The following OR8D4 variants were observed in gnomAD, a reference collection of about 807,000 sequenced individuals.
The protein encoded by OR8D4 is olfactory receptor family 8 subfamily D member 4.
For missense variants in OR8D4, 359 were observed against 372.6 expected (o/e 0.96, Z 0.30); for synonymous variants, 141 against 134.8 (o/e 1.05, Z -0.32).
chr11:123,904,203 A>G (rs1863182340), intron 1 of OR8D4, among the ~76,000 whole-genome samples: 1 of 152,166 alleles, frequency 6.6e-6, no homozygotes, highest in South Asian at 2.1e-4. Context: ...AAACCACAGA[A>G]ATGTTTTAGA....
rs1192332532 is a variant in OR8D4 at position 123,906,454 on chromosome 11, C to T, written c.23C>T (p.Thr8Ile). 5 of 1,608,020 alleles carry T rather than the reference C, an allele frequency of 3.1e-6. No individual in the cohort carries two copies. Among genetic ancestry groups the T allele is most frequent in the Middle Eastern group, 1.7e-4 (1 of 6,022 alleles). Residue 8 changes from threonine to isoleucine, a missense_variant, in exon 2 of 2, where the codon ACA becomes ATA. Transcript: ENST00000641687. Reference sequence around the variant, plus strand: ...AGAATGGGTGTAAAAAACCATTCCACAGTGACTGAGTTTCTTCTTTCAGGA... The same window carrying T: ...AGAATGGGTGTAAAAAACCATTCCATAGTGACTGAGTTTCTTCTTTCAGGA... MGVKNHS[T>I]VTEFLLSGLT...
At position 123,907,082 on chromosome 11, in the gene OR8D4, A is replaced by G. The variant is rs1591438496; in HGVS notation, c.651A>G (p.Ser217=). 1.2e-6 allele frequency: 2 copies of G among 1,613,886 alleles called. No homozygotes were observed. Among genetic ancestry groups the G allele is most frequent in the African/African-American group, 1.3e-5 (1 of 74,900 alleles). Residue 217 remains serine (S), a synonymous_variant, in exon 2 of 2, where the codon TCA becomes TCG. Coordinates refer to ENST00000641687, the MANE Select transcript of OR8D4 (RefSeq NM_001005197.2). ...MVATSLTIII[S]YAFILTSILR... ...CCACAAGCCTAACAATCATTATTTC[A>G]TATGCTTTTATCCTCACCAGCATCC...
At chr11:123,905,046 G>C (rs1362680643) in intron 1 of OR8D4, among the ~76,000 whole-genome samples, 1 of 152,138 alleles carries the variant, frequency 6.6e-6, no homozygotes, top group African/African-American at 2.4e-5. Context: ...CCTCCAAGTG[G>C]CAACAAAAAC....
In OR8D4 at chr11:123,907,608, A is replaced by G; in HGVS notation, c.*232A>G. ...AAAATTACAAAAAAATTAGCAGGGC[A>G]TGGTGGTGGGCACCTGTAATCCCAC... On this transcript the variant is annotated 3_prime_UTR_variant, in exon 2 of 2. Coordinates refer to ENST00000641687, the MANE Select transcript of OR8D4 (RefSeq NM_001005197.2). 1 of 208,302 alleles carries G rather than the reference A, an allele frequency of 4.8e-6. No individual in the cohort carries two copies. Among genetic ancestry groups the G allele is most frequent in the South Asian group, 1.2e-4 (1 of 8,228 alleles). The allele number at this position is 208,302 out of a possible 1,614,324, so 12.9% of individuals were successfully genotyped here.
intron 1 of OR8D4, among the ~76,000 whole-genome samples, chr11:123,904,856 C>T (rs975027268): frequency 6.6e-6 from 1 of 152,120 alleles, no homozygotes; most frequent in Admixed American, 6.5e-5. Flanking sequence ...TATTAAATAG[C>T]CAGGTAGCTG....
rs761174077 is a variant in OR8D4 at position 123,907,233 on chromosome 11, C to T, written c.802C>T (p.Leu268Phe). The change falls in exon 2 of 2, where the codon CTC becomes TTC. Residue 268 changes from leucine (L) to phenylalanine (F), a missense_variant. Leu to Phe is a conservative substitution (Grantham distance 22, BLOSUM62 0). Transcript: ENST00000641687. Reference sequence around the variant, plus strand: ...TCTCAAACCTGCTTCTAGCAGTTCACTCACCCAGGAGAAAGTATCCTCAGT... The same window carrying T: ...TCTCAAACCTGCTTCTAGCAGTTCATTCACCCAGGAGAAAGTATCCTCAGT... ...MYLKPASSSS[L>F]TQEKVSSVFY... The T allele has an allele frequency of 5.0e-6, 8 of 1,613,590 alleles. No individual in the cohort carries two copies. The highest frequency in any genetic ancestry group is 2.7e-5 in the African/African-American group (2 of 75,016).
At position 123,906,519 on chromosome 11, in the gene OR8D4, C is replaced by T. The variant is rs756377930; in HGVS notation, c.88C>T (p.Leu30Phe). 2.5e-6 allele frequency: 4 copies of T among 1,613,860 alleles called. No homozygotes were observed. Among genetic ancestry groups the T allele is most frequent in the Non-Finnish European group, 3.4e-6 (4 of 1,179,820 alleles). Residue 30 changes from leucine (L) to phenylalanine (F), a missense_variant, in exon 2 of 2, where the codon CTC (leucine) becomes TTC (phenylalanine). Transcript: ENST00000641687. ...AGAGCTTCAGCTGCCCCTCTTCTGC[C>T]TCTTCTTAGGAATTTACACAGTTAC... ...QAELQLPLFCLFLGIYTVTVV... is the reference protein window; with the variant it reads ...QAELQLPLFCFFLGIYTVTVV...
intron 1 of OR8D4, among the ~76,000 whole-genome samples, chr11:123,904,621 T>G (rs950505882): frequency 3.3e-5 from 5 of 152,166 alleles, no homozygotes; most frequent in African/African-American, 1.2e-4. Flanking sequence ...TCTCCATCAT[T>G]TAGGATGAGA....
Position 123,906,711 on chromosome 11 carries a change from T to C in OR8D4, c.280T>C (p.Tyr94His). 6.2e-7 allele frequency: 1 copy of C among 1,614,038 alleles called. No individual in the cohort carries two copies. The highest frequency in any genetic ancestry group is 8.5e-7 in the Non-Finnish European group (1 of 1,179,880). The stretch of plus-strand genomic sequence containing the variant: ...TTTATGCAGAGATAGATCCATCTCC[T>C]ATTCTGGATGCATGATTCAGCTGTT... The part of the protein sequence containing the change: ...GFLCRDRSIS[Y>H]SGCMIQLFFF... The change falls in exon 2 of 2, where the codon TAT (tyrosine) becomes CAT (histidine). Residue 94 changes from tyrosine to histidine, a missense_variant. By Grantham distance (83) the Tyr-to-His change is moderately conservative. Transcript: ENST00000641687.
At position 123,908,765 on chromosome 11, in the gene OR8D4, A is replaced by G. The variant is rs956478707; in HGVS notation, c.*1389A>G. 6.6e-6 allele frequency: 1 copy of G among 152,230 alleles called. No homozygotes were observed. Among genetic ancestry groups the G allele is most frequent in the Non-Finnish European group, 1.5e-5 (1 of 68,034 alleles). The allele number at this position is 152,230 out of a possible 1,614,324, so 9.4% of individuals were successfully genotyped here. ...GAAACCTAAATGAAGAAAAGGGTACAGTTATGCAGAAACCAGAAAGGCAGC... is the reference window on the plus strand; with the variant it reads ...GAAACCTAAATGAAGAAAAGGGTACGGTTATGCAGAAACCAGAAAGGCAGC... On this transcript the variant is annotated 3_prime_UTR_variant, in exon 2 of 2. Transcript: ENST00000641687.
chr11:123,907,216 C>G lies in OR8D4; in HGVS notation c.785C>G (p.Pro262Arg). The part of the protein sequence containing the change: ...YGSLMSMYLK[P>R]ASSSSLTQEK... ...TCTCTGATGTCCATGTATCTCAAACCTGCTTCTAGCAGTTCACTCACCCAG... is the reference window on the plus strand; with the variant it reads ...TCTCTGATGTCCATGTATCTCAAACGTGCTTCTAGCAGTTCACTCACCCAG... Residue 262 changes from proline to arginine, a missense_variant, in exon 2 of 2, where the codon CCT becomes CGT. Coordinates refer to ENST00000641687, the MANE Select transcript of OR8D4 (RefSeq NM_001005197.2). 1 of 1,613,894 alleles carries G rather than the reference C, an allele frequency of 6.2e-7. No individual in the cohort carries two copies. Among genetic ancestry groups the G allele is most frequent in the Non-Finnish European group, 8.5e-7 (1 of 1,179,856 alleles).
At chr11:123,903,910 T>C (rs887567986) in intron 1 of OR8D4, among the ~76,000 whole-genome samples, 8 of 152,218 alleles carry the variant, frequency 5.3e-5, no homozygotes, top group Non-Finnish European at 8.8e-5. Context: ...TCTTCAAAGA[T>C]GGGCTTTACA....
In OR8D4 at chr11:123,908,777, A is replaced by G. The variant is rs947922056; in HGVS notation, c.*1401A>G. 13 of 152,228 alleles carry G rather than the reference A, an allele frequency of 8.5e-5. No individual in the cohort carries two copies. The highest frequency in any genetic ancestry group is 2.7e-4 in the African/African-American group (11 of 41,468). The allele number at this position is 152,228 out of a possible 1,614,324, so 9.4% of individuals were successfully genotyped here. On this transcript the variant is annotated 3_prime_UTR_variant, in exon 2 of 2. Transcript: ENST00000641687. ...AAGAAAAGGGTACAGTTATGCAGAA[A>G]CCAGAAAGGCAGCGGCAAGTACAAA...
rs368196141 is a variant in OR8D4, at chr11:123,906,601, C to A, written c.170C>A (p.Thr57Asn). 1.2e-6 allele frequency: 2 copies of A among 1,613,868 alleles called. No individual in the cohort carries two copies. The highest frequency in any genetic ancestry group is 1.7e-5 in the Admixed American group (1 of 60,014). ...SIIRLNRQLHTPMYYFLSSLS... is the reference protein window; with the variant it reads ...SIIRLNRQLHNPMYYFLSSLS... ...ATTAGGCTGAATCGTCAACTTCATACCCCCATGTACTATTTCCTGAGTAGT... is the reference window on the plus strand; with the variant it reads ...ATTAGGCTGAATCGTCAACTTCATAACCCCATGTACTATTTCCTGAGTAGT... Residue 57 changes from threonine (T) to asparagine (N), a missense_variant, in exon 2 of 2, where the codon ACC (threonine) becomes AAC (asparagine). Thr to Asn is a moderately conservative substitution (Grantham distance 65). Coordinates refer to ENST00000641687, the MANE Select transcript of OR8D4 (RefSeq NM_001005197.2).
In OR8D4 at chr11:123,906,280, C is replaced by T. The variant is rs992574358; in HGVS notation, c.-15-137C>T. 5 of 586,884 alleles carry T rather than the reference C, an allele frequency of 8.5e-6. No homozygotes were observed. In the African/African-American group the frequency reaches 9.3e-5, roughly 11 times the overall value. The allele number at this position is 586,884 out of a possible 1,614,324, so 36.4% of individuals were successfully genotyped here. A position where few individuals can be genotyped will look rare whatever the true frequency, so the allele number is the denominator to read the frequency against. ...CTATAGGTAGGTAGATGCTTACCGA[C>T]TCCATTTCATCTGAGTGTTCACTTT... On this transcript the variant is annotated intron_variant, in intron 1 of 1. Coordinates refer to ENST00000641687, the MANE Select transcript of OR8D4 (RefSeq NM_001005197.2).
Position 123,908,782 on chromosome 11 carries a change from A to G in OR8D4, c.*1406A>G, listed in dbSNP as rs1044996971. The G allele has an allele frequency of 6.6e-6, 1 of 152,234 alleles. No individual in the cohort carries two copies. The highest frequency in any genetic ancestry group is 2.4e-5 in the African/African-American group (1 of 41,462). 9.4% of individuals were successfully genotyped at this position (152,234 alleles called of 1,614,324 possible). On this transcript the variant is annotated 3_prime_UTR_variant, in exon 2 of 2. Transcript: ENST00000641687. ...AAGGGTACAGTTATGCAGAAACCAGAAAGGCAGCGGCAAGTACAAAGTCGA... is the reference window on the plus strand; with the variant it reads ...AAGGGTACAGTTATGCAGAAACCAGGAAGGCAGCGGCAAGTACAAAGTCGA...
intron 1 of OR8D4, among the ~76,000 whole-genome samples, chr11:123,905,690 A>G (rs1444887005): frequency 6.6e-6 from 1 of 152,142 alleles, no homozygotes; most frequent in African/African-American, 2.4e-5. Flanking sequence ...CCTCTAGTTT[A>G]TGCACCTACT....
rs1198443424 is a variant in OR8D4, at chr11:123,906,992, C to T, written c.561C>T (p.Leu187=). The T allele has an allele frequency of 1.2e-6, 2 of 1,614,058 alleles. No homozygotes were observed. The highest frequency in any genetic ancestry group is 2.2e-5 in the East Asian group (1 of 44,866). The part of the protein sequence containing the change: ...YFCDIVPLIK[L]SCSSTYIDEL... ...GTGACATTGTCCCTCTTATTAAACT[C>T]TCCTGCTCCAGCACTTATATTGATG... Residue 187 remains leucine (L), a synonymous_variant, in exon 2 of 2, where the codon CTC becomes CTT. Coordinates refer to ENST00000641687, the MANE Select transcript of OR8D4 (RefSeq NM_001005197.2).
rs927966103 is a variant in OR8D4, at chr11:123,908,840, C to T, written c.*1464C>T. The T allele has an allele frequency of 2.0e-5, 3 of 151,996 alleles. No homozygotes were observed. Among genetic ancestry groups the T allele is most frequent in the Admixed American group, 1.3e-4 (2 of 15,244 alleles). 9.4% of individuals were successfully genotyped at this position (151,996 alleles called of 1,614,324 possible). ...AACAAACTTGGCCATATTCAAGAAA[C>T]GGAGAAGGCAGTATGGCAGACGGTC... On this transcript the variant is annotated 3_prime_UTR_variant, in exon 2 of 2. Transcript: ENST00000641687.
Sources: gnomAD v4.1 joint callset for allele counts (sites outside exome capture counted in the v4.1 genomes callset) on GRCh38, gnomAD v4.1.1 for gene constraint, MANE v1.5 for transcripts, NCBI Gene and HGNC (gene_info 2026-07-23, HGNC 2026-07-21) for gene names.